The following CHD6 variants were observed in gnomAD, a reference collection of about 807,000 sequenced individuals.
CHD6 encodes the protein chromodomain helicase DNA binding protein 6.
CHD6 carries 50 observed loss-of-function variants against 276.9 expected under a neutral mutation model. The ratio of observed to expected loss-of-function variants is 0.18; its 90% CI spans 0.14 to 0.23. The LOEUF (loss-of-function observed/expected upper bound fraction) is 0.23, where lower values mean the gene tolerates loss of function less well. Among genes scored for constraint, CHD6 ranks in the 10% least tolerant of loss-of-function variants. The pLI, the probability that CHD6 is intolerant of heterozygous loss-of-function variation, is 1.00. For synonymous variants in CHD6, 1,173 were observed against 1,229.3 expected (o/e 0.95, Z 0.96); for missense variants, 2,564 against 3,365.8 (o/e 0.76, Z 5.89).
rs947429939 is a variant in CHD6 at position 41,487,872 on chromosome 20, G to A, written c.1858-64C>T. ...CCATCAAAATAGTGCATTTTCGTGG[G>A]GAAAATTAAGCCAGGGCATTGAGTG... On this transcript the variant is annotated intron_variant, in intron 13 of 36. Transcript: ENST00000373233. 8.4e-6 allele frequency: 13 copies of A among 1,543,918 alleles called. No individual in the cohort carries two copies. The African/African-American group carries it at 8.5e-5, about 10-fold the overall frequency.
intron 30 of CHD6, 71 bp from the exon 31 acceptor site, chr20:41,422,150 G>T: frequency 6.7e-7 from 1 of 1,485,234 alleles, no homozygotes; most frequent in Non-Finnish European, 9.0e-7. Context: ...CTGAGCCCCT[G>T]CATCTTTGGT....
In CHD6 at chr20:41,451,966, T is replaced by A. The variant is rs2048253127; in HGVS notation, c.3383A>T (p.Lys1128Met). ...GGCACGGCAAATCATCTCCATGTCCTTCTCGTTCAGATGCCACTTGAATCG... is the reference window on the plus strand; with the variant it reads ...GGCACGGCAAATCATCTCCATGTCCATCTCGTTCAGATGCCACTTGAATCG... The part of the protein sequence containing the change: ...HGRFKWHLNE[K>M]DMEMICRALL... Residue 1128 changes from lysine (K) to methionine (M), a missense_variant, in exon 22 of 37, where the codon AAG becomes ATG. By Grantham distance (95) the Lys-to-Met change is moderately conservative. Coordinates refer to ENST00000373233, the MANE Select transcript of CHD6 (RefSeq NM_032221.5). 1 of 1,613,982 alleles carries A rather than the reference T, an allele frequency of 6.2e-7. No homozygotes were observed. The highest frequency in any genetic ancestry group is 8.5e-7 in the Non-Finnish European group (1 of 1,179,996).
At chr20:41,596,059 C>T (rs533873205) in intron 1 of CHD6, among the ~76,000 whole-genome samples, 5 of 152,300 alleles carry the variant, frequency 3.3e-5, no homozygotes, top group Admixed American at 3.3e-4. Context: ...CACCGCTCTG[C>T]CCCAAGCTGA....
At position 41,551,449 on chromosome 20, in the gene CHD6, AAAAC is replaced by A. The variant is rs958749494; in HGVS notation, c.-23-93_-23-90del. 42 of 630,738 alleles carry A rather than the reference AAAAC, an allele frequency of 6.7e-5. No homozygotes were observed. In the African/African-American group the frequency reaches 7.1e-4, roughly 11 times the overall value. The allele number at this position is 630,738 out of a possible 1,614,324, so 39.1% of individuals were successfully genotyped here. A position where few individuals can be genotyped will look rare whatever the true frequency, so the allele number is the denominator to read the frequency against. ...CTCCAGATTACTGTAACACACAAGG[AAAAC>A]AAACAGGGGATTACTTCTGCAGAAC... is the stretch of plus-strand genomic sequence containing the variant. On this transcript the variant is annotated intron_variant, in intron 1 of 36. Transcript: ENST00000373233.
At chr20:41,574,545 T>C (rs1231555091) in intron 1 of CHD6, among the ~76,000 whole-genome samples, 1 of 152,138 alleles carries the variant, frequency 6.6e-6, no homozygotes, top group Non-Finnish European at 1.5e-5. Flanking sequence ...CCCTCACAAA[T>C]ATTCATCAAA....
chr20:41,564,749 A>G (rs998553576), intron 1 of CHD6, among the ~76,000 whole-genome samples: 8 of 152,228 alleles, frequency 5.3e-5, no homozygotes, highest in Non-Finnish European at 5.9e-5. Flanking sequence ...TGTTTTCTAA[A>G]CACCCAACAT....
chr20:41,421,025 CTCT>C lies in CHD6; in HGVS notation c.5607_5609del (p.Glu1872del). On this transcript the variant is annotated inframe_deletion, in exon 31 of 37. Coordinates refer to ENST00000373233, the MANE Select transcript of CHD6 (RefSeq NM_032221.5). Reference sequence around the variant, plus strand: ...CTAAGTTTTCCTCCTCGTTTTCCTCCTCTTCTTCCTCCTCATCACTGTGGTTCT... The same window carrying C: ...CTAAGTTTTCCTCCTCGTTTTCCTCCTCTTCCTCCTCATCACTGTGGTTCT... 6.2e-7 allele frequency: 1 copy of C among 1,613,780 alleles called. No homozygotes were observed. The highest frequency in any genetic ancestry group is 2.2e-5 in the East Asian group (1 of 44,892).
At chr20:41,446,717 A>G (rs2048080525) in intron 24 of CHD6, among the ~76,000 whole-genome samples, 1 of 152,130 alleles carries the variant, frequency 6.6e-6, no homozygotes, top group Admixed American at 6.5e-5. Context: ...GCCCAGTGCC[A>G]TGGCTGAATG....
intron 1 of CHD6, among the ~76,000 whole-genome samples, chr20:41,575,895 T>C (rs1469138011): frequency 1.3e-5 from 2 of 152,168 alleles, no homozygotes; most frequent in African/African-American, 2.4e-5. Context: ...AAAGATGCTA[T>C]GCCATAAAAT....
At chr20:41,423,723 A>G in intron 29 of CHD6, 23 bp from the exon 30 acceptor site, 2 of 1,591,662 alleles carry the variant, frequency 1.3e-6, no homozygotes, top group Non-Finnish European at 1.7e-6. Context: ...TCAGAAAGGA[A>G]GAGTGAGCTC....
intron 17 of CHD6, among the ~76,000 whole-genome samples, chr20:41,468,953 C>G (rs1182724724): frequency 1.3e-5 from 2 of 152,160 alleles, no homozygotes; most frequent in African/African-American, 2.4e-5. Context: ...CTTCGAGCCA[C>G]TGCACTCTAG....
Position 41,402,739 on chromosome 20 carries a change from T to C in CHD6, c.*1854A>G, listed in dbSNP as rs2046568330. On this transcript the variant is annotated 3_prime_UTR_variant, in exon 37 of 37. Coordinates refer to ENST00000373233, the MANE Select transcript of CHD6 (RefSeq NM_032221.5). ...TACATAAATAAATTATATTGATTTT[T>C]AGGATTTAACAGCTGAAAAAACCCT... 4.7e-6 allele frequency: 1 copy of C among 210,664 alleles called. No homozygotes were observed. The highest frequency in any genetic ancestry group is 9.6e-6 in the Non-Finnish European group (1 of 103,796). 13.0% of individuals were successfully genotyped at this position (210,664 alleles called of 1,614,324 possible).
chr20:41,412,005 C>T lies in CHD6; in HGVS notation c.7251+139G>A, dbSNP rs573063776. The stretch of plus-strand genomic sequence containing the variant: ...ACCATTTCTTGCTGCTAATCAACTT[C>T]CTGTGCTGGCTTCTAGTCCTCTTGA... On this transcript the variant is annotated intron_variant, in intron 36 of 36. Transcript: ENST00000373233. 1.2e-4 allele frequency: 146 copies of T among 1,236,742 alleles called. No individual in the cohort carries two copies. The Middle Eastern group carries it at 1.4e-3, about 12-fold the overall frequency. 76.6% of individuals were successfully genotyped at this position (1,236,742 alleles called of 1,614,324 possible). A position where few individuals can be genotyped will look rare whatever the true frequency, so the allele number is the denominator to read the frequency against.
Position 41,536,572 on chromosome 20 carries a change from A to G in CHD6, c.34-3002T>C, listed in dbSNP as rs554970872. On this transcript the variant is annotated intron_variant, in intron 2 of 36. Transcript: ENST00000373233. Reference sequence around the variant, plus strand: ...AAAATAGATTCTAATTAAGAAAATCATCCAGAATAATGAGCGTATCTGCTA... The same window carrying G: ...AAAATAGATTCTAATTAAGAAAATCGTCCAGAATAATGAGCGTATCTGCTA... 2.0e-5 allele frequency among the ~76,000 whole-genome samples: 3 copies of G among 152,364 alleles called. No individual in the cohort carries two copies. In the East Asian group the frequency reaches 5.8e-4, roughly 29 times the overall value.
intron 26 of CHD6, 141 bp from the exon 27 acceptor site, chr20:41,437,475 A>G (rs1301009107): frequency 6.8e-6 from 4 of 591,956 alleles, no homozygotes; most frequent in African/African-American, 3.7e-5. Context: ...TCACATTCAC[A>G]TTACTTTTAT....
chr20:41,435,645 T>G (rs747269078), intron 27 of CHD6, among the ~76,000 whole-genome samples: 5 of 147,376 alleles, frequency 3.4e-5, no homozygotes, highest in African/African-American at 5.0e-5. Flanking sequence ...GTATATACAG[T>G]AAGATTCAGT....
In CHD6 at chr20:41,599,289, T is replaced by G. The variant is rs6072441; in HGVS notation, c.-24+19051A>C. On this transcript the variant is annotated intron_variant, in intron 1 of 36. Coordinates refer to ENST00000373233, the MANE Select transcript of CHD6 (RefSeq NM_032221.5). ...GGGTCCAATGCTGTACTTTTATCCC[T>G]AACAACACAGCCCCCGATGGAACAA... Among the ~76,000 whole-genome samples the G allele has an allele frequency of 1.9e-3, 285 of 152,222 alleles. 1 individual carries two copies. Among genetic ancestry groups the G allele is most frequent in the South Asian group, 3.5e-3 (17 of 4,814 alleles).
At chr20:41,406,863 T>C (rs569435836) in intron 36 of CHD6, among the ~76,000 whole-genome samples, 1 of 152,326 alleles carries the variant, frequency 6.6e-6, no homozygotes, top group South Asian at 2.1e-4. Flanking sequence ...TCTCAGCGTT[T>C]CCTCACCCAG....
chr20:41,554,121 G>A (rs2146156422), intron 1 of CHD6, among the ~76,000 whole-genome samples: 1 of 152,294 alleles, frequency 6.6e-6, no homozygotes. Flanking sequence ...CTCCAGCCTA[G>A]GTGACAGAGT....
Sources: gnomAD v4.1 joint callset for allele counts (sites outside exome capture counted in the v4.1 genomes callset) on GRCh38, gnomAD v4.1.1 for gene constraint, MANE v1.5 for transcripts, NCBI Gene and HGNC (gene_info 2026-07-23, HGNC 2026-07-21) for gene names.